The following CSMD1 variants were observed in gnomAD, a reference collection of about 807,000 sequenced individuals.
CSMD1 encodes CUB and sushi domain-containing protein 1.
Under a neutral mutation model 417.5 loss-of-function variants are expected in CSMD1, and 213 were observed. That is an observed-to-expected ratio of 0.51 (90% CI 0.46 to 0.57). The LOEUF is 0.57. Among genes scored for constraint, CSMD1 ranks in the 20% least tolerant of loss-of-function variants. CSMD1 has a pLI of 0.00. For synonymous variants in CSMD1, 2,862 were observed against 1,736.8 expected, an observed-to-expected ratio of 1.65 and a Z score of -16.11; for missense variants, 6,923 against 4,529.7, an observed-to-expected ratio of 1.53 and a Z score of -15.17.
intron 23 of CSMD1, among the ~76,000 whole-genome samples, chr8:3,315,344 C>G (rs540608014): frequency 6.9e-4 from 104 of 151,330 alleles, no homozygotes; most frequent in African/African-American, 2.4e-3. Context: ...TAATGAATTT[C>G]CTGAAATGTG....
At chr8:4,288,969 A>G (rs1797212159) in intron 3 of CSMD1, among the ~76,000 whole-genome samples, 1 of 152,188 alleles carries the variant, frequency 6.6e-6, no homozygotes, top group South Asian at 2.1e-4. Flanking sequence ...AAAAATGGTG[A>G]TACGTGCATA....
intron 26 of CSMD1, among the ~76,000 whole-genome samples, chr8:3,251,085 A>G (rs1033155919): frequency 2.4e-4 from 37 of 152,170 alleles, no homozygotes; most frequent in Middle Eastern, 3.4e-3. Flanking sequence ...CCGTTTGTCA[A>G]TTTTGGGTTT....
intron 46 of CSMD1, among the ~76,000 whole-genome samples, chr8:3,097,408 T>G (rs374777903): frequency 6.6e-6 from 1 of 152,098 alleles, no homozygotes; most frequent in African/African-American, 2.4e-5. Flanking sequence ...TGAAATGTTA[T>G]GCAATAAGAA....
At chr8:4,983,911 C>A (rs1224790545) in intron 1 of CSMD1, among the ~76,000 whole-genome samples, 1 of 151,916 alleles carries the variant, frequency 6.6e-6, no homozygotes, top group Non-Finnish European at 1.5e-5. Context: ...AAGTTATGGT[C>A]GATGAGGTGG....
At chr8:4,411,989 G>GGTGTGTGTGTGTGTGT (rs60793651) in intron 3 of CSMD1, among the ~76,000 whole-genome samples, 1 of 148,942 alleles carries the variant, frequency 6.7e-6, no homozygotes, top group South Asian at 2.1e-4. Flanking sequence ...CATAGCTAAG[G>GGTGTGTGTGTGTGTGT]GTGTGTGTGT....
intron 3 of CSMD1, among the ~76,000 whole-genome samples, chr8:4,324,645 A>C (rs1464141360): frequency 6.6e-6 from 1 of 152,194 alleles, no homozygotes; most frequent in African/African-American, 2.4e-5. Context: ...AAAACAAACA[A>C]ACACTGCTCC....
At chr8:4,034,984 T>C (rs948167580) in intron 3 of CSMD1, among the ~76,000 whole-genome samples, 2 of 152,228 alleles carry the variant, frequency 1.3e-5, no homozygotes, top group Non-Finnish European at 2.9e-5. Flanking sequence ...GACTCTTCTA[T>C]ACGTTTTTTC....
chr8:4,775,544 G>T (rs552554029), intron 1 of CSMD1, among the ~76,000 whole-genome samples: 1 of 152,060 alleles, frequency 6.6e-6, no homozygotes, highest in East Asian at 1.9e-4. Context: ...AGGACCAAGG[G>T]TAACAAATAT....
chr8:4,561,603 G>A (rs116404658), intron 2 of CSMD1, among the ~76,000 whole-genome samples: 18,351 of 152,098 alleles, frequency 0.12, 1,179 homozygotes, highest in Non-Finnish European at 0.14. Context: ...GATCCCTTGA[G>A]CCCAGGAGAT....
At chr8:4,687,616 C>T (rs1313650261) in intron 1 of CSMD1, among the ~76,000 whole-genome samples, 1 of 152,082 alleles carries the variant, frequency 6.6e-6, no homozygotes, top group Admixed American at 6.5e-5. Flanking sequence ...TGTATTTTCC[C>T]GGTGAATTAT....
intron 8 of CSMD1, among the ~76,000 whole-genome samples, chr8:3,596,859 G>T (rs1050224517): frequency 2.0e-5 from 3 of 152,162 alleles, no homozygotes; most frequent in Admixed American, 2.0e-4. Context: ...GACACTAAAA[G>T]ATGTGAATAT....
chr8:2,976,146 T>G (rs1268444409), intron 55 of CSMD1, among the ~76,000 whole-genome samples: 1 of 152,014 alleles, frequency 6.6e-6, no homozygotes, highest in African/African-American at 2.4e-5. Flanking sequence ...CCACAGGAAT[T>G]AATTGAATTG....
At chr8:4,677,847 T>C (rs150039522) in intron 1 of CSMD1, among the ~76,000 whole-genome samples, 8 of 152,282 alleles carry the variant, frequency 5.3e-5, no homozygotes, top group Admixed American at 2.6e-4. Flanking sequence ...GAAACGAAGC[T>C]GAAGAATGTC....
In CSMD1 at chr8:3,396,332, C is replaced by A; in HGVS notation, c.2455G>T (p.Ala819Ser). 6.2e-7 allele frequency: 1 copy of A among 1,607,510 alleles called. No individual in the cohort carries two copies. The highest frequency in any genetic ancestry group is 8.5e-7 in the Non-Finnish European group (1 of 1,176,954). The change falls in exon 17 of 70, where the codon GCC becomes TCC. Residue 819 changes from alanine (A) to serine (S), a missense_variant. Transcript: ENST00000635120. The part of the protein sequence containing the change: ...YDTLEVRDGP[A>S]SSSPLIGEYH... ...TCGCCGATCAGTGGGGACGAACTGGCTGGCCCATCTCTGACCTCCAAGGTG... is the reference window on the plus strand; with the variant it reads ...TCGCCGATCAGTGGGGACGAACTGGATGGCCCATCTCTGACCTCCAAGGTG...
chr8:3,982,274 C>T (rs1417994164), intron 5 of CSMD1, among the ~76,000 whole-genome samples: 1 of 151,156 alleles, frequency 6.6e-6, no homozygotes, highest in Non-Finnish European at 1.5e-5. Flanking sequence ...GATTTAAATC[C>T]TGGTCTACAT....
chr8:3,565,131 C>CAAAAAAAAAAAAAAAAA lies in CSMD1; in HGVS notation c.1344+9797_1344+9813dup, dbSNP rs869248314. On this transcript the variant is annotated intron_variant, in intron 10 of 69. Transcript: ENST00000635120. Reference sequence around the variant, plus strand: ...TACTTAACTCTGTAGTGCAAGACAGCAAAAAAAAAAAAAAAAAAAAAAAAA... The same window carrying CAAAAAAAAAAAAAAAAA: ...TACTTAACTCTGTAGTGCAAGACAGCAAAAAAAAAAAAAAAAAAAAAAAAAAAAAAAAAAAAAAAAAA... Among the ~76,000 whole-genome samples, 8 of 10,450 alleles carry CAAAAAAAAAAAAAAAAA rather than the reference C, an allele frequency of 7.7e-4. 1 individual carries two copies. Among genetic ancestry groups the CAAAAAAAAAAAAAAAAA allele is most frequent in the Non-Finnish European group, 1.1e-3 (6 of 5,368 alleles). The allele number at this position is 10,450 out of a possible 152,430, so 6.9% of individuals were successfully genotyped here. A position where few individuals can be genotyped will look rare whatever the true frequency, so the allele number is the denominator to read the frequency against.
rs191878615 is a variant in CSMD1 at position 3,051,364 on chromosome 8, T to A, written c.7660+1098A>T. On this transcript the variant is annotated intron_variant, in intron 50 of 69. Transcript: ENST00000635120. Reference sequence around the variant, plus strand: ...AGGAACAGAAAACCAAATAGCACATTTTCTCTCCTGTAAGTGGGAGCTAAA... The same window carrying A: ...AGGAACAGAAAACCAAATAGCACATATTCTCTCCTGTAAGTGGGAGCTAAA... Among the ~76,000 whole-genome samples, 545 of 152,274 alleles carry A rather than the reference T, an allele frequency of 3.6e-3. 3 individuals carry two copies. The highest frequency in any genetic ancestry group is 0.014 in the Middle Eastern group (4 of 294).
chr8:4,988,249 A>G (rs572252854), intron 1 of CSMD1, among the ~76,000 whole-genome samples: 4 of 152,212 alleles, frequency 2.6e-5, no homozygotes, highest in Admixed American at 6.5e-5. Flanking sequence ...TTACATTAAA[A>G]TTATAAGCAT....
chr8:3,308,324 G>T lies in CSMD1; in HGVS notation c.3811C>A (p.Pro1271Thr). 1 of 1,610,164 alleles carries T rather than the reference G, an allele frequency of 6.2e-7. No homozygotes were observed. Among genetic ancestry groups the T allele is most frequent in the East Asian group, 2.2e-5 (1 of 44,706 alleles). The change falls in exon 24 of 70, where the codon CCT (proline) becomes ACT (threonine). Residue 1271 changes from proline (P) to threonine (T), a missense_variant. Coordinates refer to ENST00000635120, the MANE Select transcript of CSMD1 (RefSeq NM_033225.6). ...CTTCCACACTCACCTATGCACGAAG[G>T]TAGTGGTTTGTCCCACACTCTCCTG... ...GDRRVWDKPLPSCIAECGGQI... is the reference protein window; with the variant it reads ...GDRRVWDKPLTSCIAECGGQI...
Sources: allele counts gnomAD v4.1 joint callset (sites outside exome capture counted in the v4.1 genomes callset), GRCh38; gene constraint gnomAD v4.1.1; transcripts MANE v1.5; gene names NCBI Gene and HGNC (gene_info 2026-07-23, HGNC 2026-07-21).